REDIC1: variants seen among roughly 807,000 people sequenced by gnomAD.
REDIC1 encodes the protein HEI10 Interacting Protein 1.
At chr12:39,772,311 G>A in the REDIC1 span, among the ~76,000 whole-genome samples, 1 of 152,128 alleles carries the variant, frequency 6.6e-6, no homozygotes, top group African/African-American at 2.4e-5. Context: ...TAAAATAAGA[G>A]TCCATATAGG....
At chr12:39,712,467 T>C in the REDIC1 span, among the ~76,000 whole-genome samples, 7 of 139,084 alleles carry the variant, frequency 5.0e-5, no homozygotes, top group Admixed American at 2.9e-4. Context: ...TATATACGTA[T>C]GTATATATAC....
At chr12:39,838,326 C>G in the REDIC1 span, among the ~76,000 whole-genome samples, 2 of 123,708 alleles carry the variant, frequency 1.6e-5, no homozygotes, top group Non-Finnish European at 3.2e-5. Context: ...GAATATCACA[C>G]TCTGGGGACT....
At chr12:39,877,061 C>T in the REDIC1 span, among the ~76,000 whole-genome samples, 4 of 152,002 alleles carry the variant, frequency 2.6e-5, no homozygotes, top group African/African-American at 9.7e-5. Flanking sequence ...ATTTAGAATG[C>T]CATTACATTA....
chr12:39,793,741 CA>C, the REDIC1 span, among the ~76,000 whole-genome samples: 1 of 152,120 alleles, frequency 6.6e-6, no homozygotes, highest in East Asian at 1.9e-4. Context: ...ATTATTCATG[CA>C]CCTGCTTTTC....
chr12:39,731,103 G>A, the REDIC1 span, among the ~76,000 whole-genome samples: 6 of 152,120 alleles, frequency 3.9e-5, no homozygotes, highest in Admixed American at 1.3e-4. Flanking sequence ...TAGAACACGC[G>A]TCTTTAGCTC....
chr12:39,894,758 G>GGCA, the REDIC1 span, among the ~76,000 whole-genome samples: 1 of 152,070 alleles, frequency 6.6e-6, no homozygotes, highest in African/African-American at 2.4e-5. Context: ...GGCTTTGGCT[G>GGCA]GCAGCACAAG....
the REDIC1 span, among the ~76,000 whole-genome samples, chr12:39,881,076 TA>T: frequency 6.6e-6 from 1 of 152,180 alleles, no homozygotes; most frequent in Admixed American, 6.5e-5. Flanking sequence ...AAATGTTACA[TA>T]AAGCAACAAA....
chr12:39,704,203 C>A, the REDIC1 span, among the ~76,000 whole-genome samples: 1 of 151,746 alleles, frequency 6.6e-6, no homozygotes, highest in South Asian at 2.1e-4. Context: ...CCAGAATCTA[C>A]AATGAACTCC....
the REDIC1 span, among the ~76,000 whole-genome samples, chr12:39,862,036 C>A: frequency 1.3e-5 from 2 of 152,210 alleles, no homozygotes; most frequent in African/African-American, 2.4e-5. Context: ...TCCCCCACCA[C>A]TGCCCCCTAA....
chr12:39,846,386 G>T, the REDIC1 span, among the ~76,000 whole-genome samples: 2 of 152,112 alleles, frequency 1.3e-5, no homozygotes, highest in Non-Finnish European at 2.9e-5. Context: ...TCTAGAGAAA[G>T]ATCTTTCTCA....
At chr12:39,892,776 T>TA in the REDIC1 span, among the ~76,000 whole-genome samples, 2 of 151,760 alleles carry the variant, frequency 1.3e-5, no homozygotes, top group Non-Finnish European at 2.9e-5. Flanking sequence ...GCAACACAGG[T>TA]AAAAAAAATT....
the REDIC1 span, among the ~76,000 whole-genome samples, chr12:39,895,663 T>C: frequency 6.7e-6 from 1 of 149,102 alleles, no homozygotes; most frequent in Non-Finnish European, 1.5e-5. Context: ...CACACATATG[T>C]ATATGCGTGT....
chr12:39,851,402 A>C, the REDIC1 span, among the ~76,000 whole-genome samples: 4 of 152,352 alleles, frequency 2.6e-5, no homozygotes, highest in South Asian at 8.3e-4. Context: ...TAAAAAATGC[A>C]TTCTGACTCT....
At chr12:39,764,561 G>C in the REDIC1 span, 9 of 1,610,944 alleles carry the variant, frequency 5.6e-6, no homozygotes, top group Admixed American at 1.3e-4. Flanking sequence ...TGTACTTCTT[G>C]CCCAAAGGGG....
the REDIC1 span, among the ~76,000 whole-genome samples, chr12:39,644,334 G>A: frequency 6.6e-6 from 1 of 151,832 alleles, no homozygotes; most frequent in Non-Finnish European, 1.5e-5. Context: ...AGTTTCCTAT[G>A]TCATCACTTG....
At chr12:39,888,200 A>G in the REDIC1 span, among the ~76,000 whole-genome samples, 1 of 152,198 alleles carries the variant, frequency 6.6e-6, no homozygotes, top group African/African-American at 2.4e-5. Context: ...TATGGATATA[A>G]CCATTCTAAG....
chr12:39,878,746 A>G, the REDIC1 span, among the ~76,000 whole-genome samples: 13 of 152,258 alleles, frequency 8.5e-5, no homozygotes, highest in Non-Finnish European at 1.8e-4. Flanking sequence ...AAAAGAAAAA[A>G]GCTTTTTTGG....
chr12:39,674,190 T>C, the REDIC1 span, among the ~76,000 whole-genome samples: 1 of 152,208 alleles, frequency 6.6e-6, no homozygotes, highest in East Asian at 1.9e-4. Context: ...TTCTTTCTTC[T>C]GTTTGCTGTT....
At chr12:39,901,921 A>G in the REDIC1 span, among the ~76,000 whole-genome samples, 1 of 152,162 alleles carries the variant, frequency 6.6e-6, no homozygotes, top group Middle Eastern at 3.4e-3. Context: ...TATTCCCAAT[A>G]GCAAAGACTT....
Sources: allele counts gnomAD v4.1 joint callset (sites outside exome capture counted in the v4.1 genomes callset), GRCh38; gene constraint gnomAD v4.1.1; transcripts MANE v1.5; gene names NCBI Gene and HGNC (gene_info 2026-07-23, HGNC 2026-07-21).